The following COMMD1 variants were observed in gnomAD, a reference collection of about 807,000 sequenced individuals.
The protein encoded by COMMD1 is COMM domain-containing protein 1.
In COMMD1, 10 loss-of-function variants were observed where a neutral mutation model predicts 17.2. The ratio of observed to expected loss-of-function variants is 0.58; its 90% CI spans 0.36 to 0.99. COMMD1 has a LOEUF of 0.99. Ranked by LOEUF, COMMD1 falls within the 50% of genes least tolerant of loss-of-function variation. COMMD1 has a pLI of 0.01. For synonymous variants in COMMD1, 97 were observed against 91.6 expected, an observed-to-expected ratio of 1.06 and a Z score of -0.34; for missense variants, 270 against 231.8, an observed-to-expected ratio of 1.17 and a Z score of -1.07.
intron 2 of COMMD1, among the ~76,000 whole-genome samples, chr2:62,130,923 A>G (rs1458871445): frequency 1.3e-5 from 2 of 152,236 alleles, no homozygotes; most frequent in Non-Finnish European, 2.9e-5. Flanking sequence ...TAACCTTGCT[A>G]GGAAGTGAGT....
At chr2:62,014,133 C>G (rs943434294) in intron 2 of COMMD1, among the ~76,000 whole-genome samples, 20 of 152,150 alleles carry the variant, frequency 1.3e-4, no homozygotes, top group Admixed American at 2.6e-4. Context: ...GAGAATAGGG[C>G]TTTGGCACTG....
intron 2 of COMMD1, among the ~76,000 whole-genome samples, chr2:62,034,883 G>A (rs1263552272): frequency 1.3e-5 from 2 of 152,296 alleles, no homozygotes; most frequent in East Asian, 3.9e-4. Flanking sequence ...CAAGCAATAA[G>A]TGAAGCTGTT....
At chr2:61,974,076 T>C (rs1457934894) in intron 1 of COMMD1, among the ~76,000 whole-genome samples, 1 of 152,016 alleles carries the variant, frequency 6.6e-6, no homozygotes, top group East Asian at 1.9e-4. Flanking sequence ...GGCAGATCAC[T>C]TGAGGTCAGG....
intron 1 of COMMD1, among the ~76,000 whole-genome samples, chr2:62,000,440 A>G (rs566241021): frequency 1.8e-4 from 28 of 151,654 alleles, no homozygotes; most frequent in Non-Finnish European, 3.4e-4. Context: ...CATATATACC[A>G]CGCACAACCA....
intron 2 of COMMD1, among the ~76,000 whole-genome samples, chr2:62,040,033 G>C (rs929951821): frequency 6.6e-6 from 1 of 152,160 alleles, no homozygotes; most frequent in Non-Finnish European, 1.5e-5. Flanking sequence ...AGACTTGGGG[G>C]ATTGCGTGAG....
In COMMD1 at chr2:61,967,454, C is replaced by T. The variant is rs549616750; in HGVS notation, c.181-33247C>T. The stretch of plus-strand genomic sequence containing the variant: ...GATATGTAGACCATACTTTGGGTAG[C>T]ATTGCTCTAGATTTTCTAGCAAATC... On this transcript the variant is annotated intron_variant, in intron 1 of 2. Coordinates refer to ENST00000311832, the MANE Select transcript of COMMD1 (RefSeq NM_152516.4). Among the ~76,000 whole-genome samples the T allele has an allele frequency of 3.3e-5, 5 of 152,256 alleles. No individual in the cohort carries two copies. The South Asian group carries it at 1.0e-3, about 32-fold the overall frequency.
In COMMD1 at chr2:61,930,387, C is replaced by G. The variant is rs1030717717; in HGVS notation, c.180+24529C>G. 4.6e-5 allele frequency among the ~76,000 whole-genome samples: 7 copies of G among 152,200 alleles called. No homozygotes were observed. In the South Asian group the frequency reaches 1.5e-3, roughly 32 times the overall value. On this transcript the variant is annotated intron_variant, in intron 1 of 2. Coordinates refer to ENST00000311832, the MANE Select transcript of COMMD1 (RefSeq NM_152516.4). The stretch of plus-strand genomic sequence containing the variant: ...CCTGGCCAACATGGTGAAACCCCAT[C>G]TCTACTAAAAATACAAAAATTAGCC...
At chr2:61,961,421 C>T (rs758502653) in intron 1 of COMMD1, among the ~76,000 whole-genome samples, 9 of 152,138 alleles carry the variant, frequency 5.9e-5, no homozygotes, top group Non-Finnish European at 1.0e-4. Flanking sequence ...TCTCCAAATA[C>T]GGAATGGCAT....
intron 2 of COMMD1, among the ~76,000 whole-genome samples, chr2:62,060,735 T>C (rs986697631): frequency 2.0e-5 from 3 of 152,218 alleles, no homozygotes; most frequent in Non-Finnish European, 2.9e-5. Flanking sequence ...TCTTGATGGA[T>C]ATTTTTGATG....
At chr2:62,095,182 A>G (rs991127320) in intron 2 of COMMD1, among the ~76,000 whole-genome samples, 2 of 152,232 alleles carry the variant, frequency 1.3e-5, no homozygotes, top group Non-Finnish European at 2.9e-5. Flanking sequence ...TCAAACTACT[A>G]GAAATGTCTT....
intron 2 of COMMD1, among the ~76,000 whole-genome samples, chr2:62,050,524 T>A (rs1670506460): frequency 2.0e-5 from 3 of 152,212 alleles, no homozygotes; most frequent in Admixed American, 2.0e-4. Flanking sequence ...AAAAACATTC[T>A]CCTTTATAGT....
chr2:61,905,505 G>T (rs1019105810), upstream of COMMD1: 4 of 613,106 alleles, frequency 6.5e-6, no homozygotes, highest in Non-Finnish European at 1.1e-5. Context: ...GGTATCCTAA[G>T]GGGATGGGTG....
chr2:61,919,136 C>A (rs991000190), intron 1 of COMMD1, among the ~76,000 whole-genome samples: 1 of 152,048 alleles, frequency 6.6e-6, no homozygotes, highest in African/African-American at 2.4e-5. Flanking sequence ...CTCAGCCTCC[C>A]GTGTAGCTGG....
rs143095417 is a variant in COMMD1 at position 61,892,928 on chromosome 2, C to T, written n.119+4086C>T. On this transcript the variant is annotated intron_variant and non_coding_transcript_variant, in intron 1 of 2. Coordinates refer to the COMMD1 transcript ENST00000472729. Reference sequence around the variant, plus strand: ...TGTCGCCCAGCCTGGAGTGCAGTGGCGCAATCTCAGCTCACTGCAACCTCT... The same window carrying T: ...TGTCGCCCAGCCTGGAGTGCAGTGGTGCAATCTCAGCTCACTGCAACCTCT... Among the ~76,000 whole-genome samples, 18 of 151,802 alleles carry T rather than the reference C, an allele frequency of 1.2e-4. 2 individuals carry two copies. The highest frequency in any genetic ancestry group is 3.4e-4 in the African/African-American group (14 of 41,230).
chr2:62,015,198 C>A (rs1374645996), intron 2 of COMMD1, among the ~76,000 whole-genome samples: 1 of 152,224 alleles, frequency 6.6e-6, no homozygotes, highest in Non-Finnish European at 1.5e-5. Context: ...ATCTCTTCAG[C>A]CCCTGGTAAC....
chr2:62,028,462 T>C (rs1558568578), intron 2 of COMMD1, among the ~76,000 whole-genome samples: 1 of 152,228 alleles, frequency 6.6e-6, no homozygotes, highest in South Asian at 2.1e-4. Context: ...TCAAAAGCAG[T>C]ACTATTTTCC....
At chr2:62,047,590 G>A (rs1670416039) in intron 2 of COMMD1, among the ~76,000 whole-genome samples, 1 of 151,944 alleles carries the variant, frequency 6.6e-6, no homozygotes, top group African/African-American at 2.4e-5. Flanking sequence ...GAGTAGCTGG[G>A]ACTACAGCTG....
In COMMD1 at chr2:62,135,965, G is replaced by A. The variant is rs1447480861; in HGVS notation, c.*24G>A. On this transcript the variant is annotated 3_prime_UTR_variant, in exon 3 of 3. Transcript: ENST00000311832. ...GAAGATGATGTATGAAGGAGTTGGA[G>A]TTGTTGAAACCAAGGTGTCCATGAT... 2 of 1,287,110 alleles carry A rather than the reference G, an allele frequency of 1.6e-6. No homozygotes were observed. Among genetic ancestry groups the A allele is most frequent in the East Asian group, 2.3e-5 (1 of 43,412 alleles). 79.7% of individuals were successfully genotyped at this position (1,287,110 alleles called of 1,614,324 possible). A position where few individuals can be genotyped will look rare whatever the true frequency, so the allele number is the denominator to read the frequency against.
chr2:62,094,734 C>T (rs1323281307), intron 2 of COMMD1, among the ~76,000 whole-genome samples: 3 of 151,478 alleles, frequency 2.0e-5, no homozygotes, highest in African/African-American at 7.3e-5. Context: ...CACTTCTGCT[C>T]AGCTTTGAGT....
Sources: allele counts gnomAD v4.1 joint callset (sites outside exome capture counted in the v4.1 genomes callset), GRCh38; gene constraint gnomAD v4.1.1; transcripts MANE v1.5; gene names NCBI Gene and HGNC (gene_info 2026-07-23, HGNC 2026-07-21).